ATP13A3: variants seen among roughly 807,000 people sequenced by gnomAD.
ATP13A3 encodes the protein ATPase 13A3, also known as polyamine-transporting ATPase 13A3.
Under a neutral mutation model 158.1 loss-of-function variants are expected in ATP13A3, and 59 were observed. The observed-to-expected ratio is 0.37, with a 90% confidence interval of 0.30 to 0.46. The LOEUF (loss-of-function observed/expected upper bound fraction) is 0.46. Ranked by LOEUF, ATP13A3 falls within the 20% of genes least tolerant of loss-of-function variation. The pLI, the probability that ATP13A3 is intolerant of heterozygous loss-of-function variation, is 1.00. For missense variants in ATP13A3, 1,166 were observed against 1,525.2 expected (o/e 0.76, Z 3.92); for synonymous variants, 491 against 504.3 (o/e 0.97, Z 0.35).
chr3:194,432,006 G>C, intron 21 of ATP13A3, 114 bp from the exon 22 acceptor site: 1 of 804,330 alleles, frequency 1.2e-6, no homozygotes, highest in Non-Finnish European at 1.7e-6. Context: ...GCAGAGTAAC[G>C]ATAATGTATG....
intron 33 of ATP13A3, 22 bp from the exon 34 acceptor site, chr3:194,406,138 A>G: frequency 6.2e-7 from 1 of 1,611,896 alleles, no homozygotes; most frequent in Non-Finnish European, 8.5e-7. Context: ...AGAAAAAAAC[A>G]AAACAAAACA....
chr3:194,410,937 GGTGTGTGTGTGTGTGTGT>G (rs34952393), intron 33 of ATP13A3, among the ~76,000 whole-genome samples: 1 of 127,230 alleles, frequency 7.9e-6, no homozygotes, highest in Non-Finnish European at 1.6e-5. Context: ...GGGGTGTTGG[GGTGTGTGTGTGTGTGTGT>G]GTGTGTGTGT....
chr3:194,413,701 TA>T (rs2108736381), intron 32 of ATP13A3, 57 bp downstream of exon 32: 3 of 1,451,730 alleles, frequency 2.1e-6, no homozygotes, highest in African/African-American at 2.8e-5. Flanking sequence ...CATTTACCAT[TA>T]AATCACCCAA....
At chr3:194,461,768 A>G (rs1236692162) in intron 3 of ATP13A3, among the ~76,000 whole-genome samples, 1 of 152,200 alleles carries the variant, frequency 6.6e-6, no homozygotes, top group Non-Finnish European at 1.5e-5. Flanking sequence ...AAAGTAGAGA[A>G]GTTGAAGTTG....
At chr3:194,461,427 G>T (rs1353538592) in intron 3 of ATP13A3, among the ~76,000 whole-genome samples, 1 of 151,964 alleles carries the variant, frequency 6.6e-6, no homozygotes, top group East Asian at 1.9e-4. Context: ...CAATATAATC[G>T]AGAGTATCAC....
In ATP13A3 at chr3:194,404,228, A is replaced by G. The variant is rs1052146356; in HGVS notation, c.*1691T>C. On this transcript the variant is annotated 3_prime_UTR_variant, in exon 34 of 34. Coordinates refer to ENST00000645319, the MANE Select transcript of ATP13A3 (RefSeq NM_001367549.1). The stretch of plus-strand genomic sequence containing the variant: ...TTCATGGAACAACTGTTATCATCTA[A>G]TGTGTATTAATAGCATATTATACAT... 7.4e-6 allele frequency: 3 copies of G among 403,234 alleles called. No homozygotes were observed. Among genetic ancestry groups the G allele is most frequent in the Non-Finnish European group, 1.4e-5 (3 of 208,220 alleles). The allele number at this position is 403,234 out of a possible 1,614,324, so 25.0% of individuals were successfully genotyped here.
chr3:194,467,917 CG>C (rs1251920587), intron 2 of ATP13A3: 5 of 152,082 alleles, frequency 3.3e-5, no homozygotes, highest in African/African-American at 1.2e-4. Context: ...CTGGAGCACA[CG>C]TTTTTTAACC....
At chr3:194,408,658 T>A (rs777171486) in intron 33 of ATP13A3, among the ~76,000 whole-genome samples, 6 of 152,212 alleles carry the variant, frequency 3.9e-5, no homozygotes. Flanking sequence ...TCACAATTTT[T>A]AAAAAGTCAT....
At chr3:194,450,916 A>G (rs926655208) in intron 10 of ATP13A3, 2 of 152,182 alleles carry the variant, frequency 1.3e-5, no homozygotes, top group Non-Finnish European at 2.9e-5. Flanking sequence ...CTCTGGTACA[A>G]GTTGGTGTTT....
Position 194,425,400 on chromosome 3 carries a change from G to A in ATP13A3, c.3255C>T (p.Leu1085=), listed in dbSNP as rs781515272. 3.7e-6 allele frequency: 6 copies of A among 1,613,410 alleles called. No individual in the cohort carries two copies. The highest frequency in any genetic ancestry group is 3.3e-5 in the South Asian group (3 of 90,832). ...TVFFISSFQY[L]IVAIAFSKGK... ...CTTTTGAAAAGGCAATTGCCACTAT[G>A]AGGTACTGAAAACTGGAAATAAAAA... is the stretch of plus-strand genomic sequence containing the variant. Residue 1085 remains leucine (L), a synonymous_variant, in exon 30 of 34, where the codon CTC becomes CTT. Transcript: ENST00000645319.
chr3:194,403,109 C>A lies in ATP13A3; in HGVS notation c.*2810G>T, dbSNP rs80136368. 6.6e-6 allele frequency: 1 copy of A among 152,176 alleles called. No homozygotes were observed. Among genetic ancestry groups the A allele is most frequent in the Non-Finnish European group, 1.5e-5 (1 of 68,022 alleles). The allele number at this position is 152,176 out of a possible 1,614,324, so 9.4% of individuals were successfully genotyped here. A position where few individuals can be genotyped will look rare whatever the true frequency, so the allele number is the denominator to read the frequency against. On this transcript the variant is annotated 3_prime_UTR_variant, in exon 34 of 34. Coordinates refer to ENST00000645319, the MANE Select transcript of ATP13A3 (RefSeq NM_001367549.1). ...TCTAAAGCTTGAATTTTGCTCTTCACTGGATAATGTTATCTATAGCTGTTT... is the reference window on the plus strand; with the variant it reads ...TCTAAAGCTTGAATTTTGCTCTTCAATGGATAATGTTATCTATAGCTGTTT...
At chr3:194,454,207 T>A in intron 9 of ATP13A3, 51 bp downstream of exon 9, 1 of 1,502,820 alleles carries the variant, frequency 6.7e-7, no homozygotes, top group Non-Finnish European at 9.1e-7. Context: ...CATTAGATGT[T>A]ACTACAAAAT....
chr3:194,481,584 C>T (rs917893210), intron 2 of ATP13A3, among the ~76,000 whole-genome samples: 6 of 152,102 alleles, frequency 3.9e-5, no homozygotes, highest in Non-Finnish European at 7.4e-5. Flanking sequence ...CATTATTTTC[C>T]AGTCTCACAC....
chr3:194,415,661 C>CTTTTTTTTT lies in ATP13A3; in HGVS notation c.3403-1831_3403-1823dup, dbSNP rs751005733. Among the ~76,000 whole-genome samples the CTTTTTTTTT allele has an allele frequency of 2.4e-4, 22 of 90,926 alleles. 3 individuals are homozygous for CTTTTTTTTT. Among genetic ancestry groups the CTTTTTTTTT allele is most frequent in the African/African-American group, 9.0e-4 (19 of 21,118 alleles). 59.7% of individuals were successfully genotyped at this position (90,926 alleles called of 152,430 possible). A position where few individuals can be genotyped will look rare whatever the true frequency, so the allele number is the denominator to read the frequency against. ...GTGCAAGGATTTACAATACCACATT[C>CTTTTTTTTT]TTTTTTTTTTTTTTTTTTTTTTTTT... On this transcript the variant is annotated intron_variant, in intron 31 of 33. Coordinates refer to ENST00000645319, the MANE Select transcript of ATP13A3 (RefSeq NM_001367549.1).
At chr3:194,463,860 C>T (rs771020978) in intron 2 of ATP13A3, among the ~76,000 whole-genome samples, 2 of 152,118 alleles carry the variant, frequency 1.3e-5, no homozygotes, top group South Asian at 4.1e-4. Flanking sequence ...ATAAAGCAAC[C>T]AATAAGAGGG....
In ATP13A3 at chr3:194,403,477, T is replaced by C. The variant is rs915988227; in HGVS notation, c.*2442A>G. The C allele has an allele frequency of 6.6e-6, 1 of 152,232 alleles. No homozygotes were observed. The highest frequency in any genetic ancestry group is 2.4e-5 in the African/African-American group (1 of 41,468). The allele number at this position is 152,232 out of a possible 1,614,324, so 9.4% of individuals were successfully genotyped here. On this transcript the variant is annotated 3_prime_UTR_variant, in exon 34 of 34. Transcript: ENST00000645319. ...AGGGAGACACACATTAAAAATCTTG[T>C]TATTTATTTAAAAAGTTAAAAAGTT...
rs747616678 is a variant in ATP13A3 at position 194,448,406 on chromosome 3, T to A, written c.1150+51A>T. 12 of 1,572,526 alleles carry A rather than the reference T, an allele frequency of 7.6e-6. No individual in the cohort carries two copies. In the South Asian group the frequency reaches 1.1e-4, roughly 15 times the overall value. ...AATCTCTTTTTAAACATTTAGTAGG[T>A]ATCAAATATGCTGAAACATGCAAAA... On this transcript the variant is annotated intron_variant, in intron 12 of 33. Transcript: ENST00000645319. This position sits in a 1 kb window ranked among gnomAD's most constrained non-coding sequence, Gnocchi z 4.0.
upstream of ATP13A3, among the ~76,000 whole-genome samples, chr3:194,489,028 G>A (rs1292836142): frequency 6.6e-6 from 1 of 152,178 alleles, no homozygotes; most frequent in Non-Finnish European, 1.5e-5. This position sits in a 1 kb window ranked among gnomAD's most constrained non-coding sequence, Gnocchi z 4.1. Context: ...TCAGCTGTTG[G>A]CACCACCATC....
intron 31 of ATP13A3, among the ~76,000 whole-genome samples, chr3:194,415,246 G>A (rs571661642): frequency 6.6e-6 from 1 of 152,290 alleles, no homozygotes; most frequent in African/African-American, 2.4e-5. Flanking sequence ...AAGTCCATTG[G>A]ACTTAACAAG....
Sources: allele counts gnomAD v4.1 joint callset (sites outside exome capture counted in the v4.1 genomes callset), GRCh38; gene constraint gnomAD v4.1.1; non-coding constraint Gnocchi (gnomAD v3.1); transcripts MANE v1.5; gene names NCBI Gene and HGNC (gene_info 2026-07-23, HGNC 2026-07-21).